Variants in PTPRG observed in about 807,000 individuals in gnomAD.
PTPRG encodes receptor-type tyrosine-protein phosphatase gamma.
Under a neutral mutation model 165.3 loss-of-function variants are expected in PTPRG, and 102 were observed. That is an observed-to-expected ratio of 0.62 (90% CI 0.53 to 0.73). The LOEUF (loss-of-function observed/expected upper bound fraction) is 0.73. Among genes scored for constraint, PTPRG ranks in the 30% least tolerant of loss-of-function variants. The pLI is 0.00. For synonymous variants in PTPRG, 675 were observed against 669.5 expected (o/e 1.01, Z -0.13); for missense variants, 1,866 against 1,861.4 (o/e 1.00, Z -0.05).
At chr3:61,611,404 C>G (rs1466168701) in intron 1 of PTPRG, among the ~76,000 whole-genome samples, 1 of 152,136 alleles carries the variant, frequency 6.6e-6, no homozygotes, top group African/African-American at 2.4e-5. Flanking sequence ...TTTTCCCACT[C>G]AATGTTAACT....
chr3:61,650,970 T>A (rs557534707), intron 1 of PTPRG, among the ~76,000 whole-genome samples: 15 of 152,312 alleles, frequency 9.8e-5, no homozygotes, highest in African/African-American at 3.4e-4. Flanking sequence ...TATTTTTTGC[T>A]GTGGAGTTGT....
chr3:61,768,182 A>G (rs2034094822), intron 2 of PTPRG, among the ~76,000 whole-genome samples: 1 of 152,160 alleles, frequency 6.6e-6, no homozygotes, highest in Non-Finnish European at 1.5e-5. Flanking sequence ...AGAGTTATTC[A>G]TCAAAAAGCC....
chr3:61,593,760 G>A (rs1156561475), intron 1 of PTPRG, among the ~76,000 whole-genome samples: 1 of 151,142 alleles, frequency 6.6e-6, no homozygotes, highest in Non-Finnish European at 1.5e-5. Flanking sequence ...GCTGAGCTCT[G>A]TAGCTGTTCT....
chr3:61,679,839 C>T (rs748133418), intron 1 of PTPRG, among the ~76,000 whole-genome samples: 1 of 152,026 alleles, frequency 6.6e-6, no homozygotes, highest in Non-Finnish European at 1.5e-5. Flanking sequence ...AAGACCTCAG[C>T]CGGCCTGAGG....
intron 5 of PTPRG, among the ~76,000 whole-genome samples, chr3:62,099,609 T>C (rs1384527162): frequency 6.6e-6 from 1 of 152,018 alleles, no homozygotes; most frequent in African/African-American, 2.4e-5. Context: ...ATAGAGACTT[T>C]TAATGACATG....
Position 62,206,176 on chromosome 3 carries a change from G to A in PTPRG, c.2155+2226G>A, listed in dbSNP as rs533615686. 2.6e-5 allele frequency among the ~76,000 whole-genome samples: 4 copies of A among 152,260 alleles called. No homozygotes were observed. In the East Asian group the frequency reaches 5.8e-4, roughly 22 times the overall value. On this transcript the variant is annotated intron_variant, in intron 12 of 29. Coordinates refer to ENST00000474889, the MANE Select transcript of PTPRG (RefSeq NM_002841.4). ...TGGGAGAGAGGCAGGGACTGGGACC[G>A]CCCCAGGTAAGTGGAAATGAGTTCT...
At chr3:61,620,476 T>C (rs1030846652) in intron 1 of PTPRG, among the ~76,000 whole-genome samples, 1 of 152,180 alleles carries the variant, frequency 6.6e-6, no homozygotes, top group African/African-American at 2.4e-5. Flanking sequence ...AACCATTATT[T>C]GCACCTGGAA....
At position 61,695,782 on chromosome 3, in the gene PTPRG, T is replaced by C. The variant is rs143790387; in HGVS notation, c.86-53096T>C. On this transcript the variant is annotated intron_variant, in intron 1 of 29. Transcript: ENST00000474889. The stretch of plus-strand genomic sequence containing the variant: ...TTATGTTTGTTTGGTTTTAATTTTA[T>C]TGTTTTTGCCAAGTGAACAATAGTT... 4.5e-4 allele frequency among the ~76,000 whole-genome samples: 69 copies of C among 152,344 alleles called. No homozygotes were observed. The East Asian group carries it at 8.3e-3, about 18-fold the overall frequency.
At chr3:62,246,340 G>A (rs1334461535) in intron 15 of PTPRG, among the ~76,000 whole-genome samples, 1 of 152,162 alleles carries the variant, frequency 6.6e-6, no homozygotes, top group Non-Finnish European at 1.5e-5. Flanking sequence ...AGCCTTATTA[G>A]GAGTATGCCT....
chr3:62,271,662 C>A lies in PTPRG; in HGVS notation c.3182+107C>A. 9.8e-7 allele frequency: 1 copy of A among 1,021,956 alleles called. No individual in the cohort carries two copies. Among genetic ancestry groups the A allele is most frequent in the Non-Finnish European group, 1.4e-6 (1 of 717,200 alleles). The allele number at this position is 1,021,956 out of a possible 1,614,324, so 63.3% of individuals were successfully genotyped here. A position where few individuals can be genotyped will look rare whatever the true frequency, so the allele number is the denominator to read the frequency against. The stretch of plus-strand genomic sequence containing the variant: ...TGCTTTCACTTAGAAGCTGAATCTT[C>A]CACTGGAAACTGGGATGGATAAGAC... On this transcript the variant is annotated intron_variant, in intron 21 of 29. Transcript: ENST00000474889. This position sits in a 1 kb window ranked among gnomAD's most constrained non-coding sequence, Gnocchi z 4.1.
chr3:61,914,133 C>T (rs929054899), intron 2 of PTPRG, among the ~76,000 whole-genome samples: 4 of 152,130 alleles, frequency 2.6e-5, no homozygotes, highest in African/African-American at 9.7e-5. Flanking sequence ...TTCAGTGGTC[C>T]TAGAACTGAT....
intron 1 of PTPRG, among the ~76,000 whole-genome samples, chr3:61,684,398 A>G (rs1002646359): frequency 3.3e-5 from 5 of 152,068 alleles, no homozygotes; most frequent in African/African-American, 1.2e-4. Flanking sequence ...TTCTTTTGGC[A>G]TCTTTTGGTT....
At chr3:61,617,549 T>G (rs899322988) in intron 1 of PTPRG, among the ~76,000 whole-genome samples, 5 of 152,192 alleles carry the variant, frequency 3.3e-5, no homozygotes, top group Non-Finnish European at 1.5e-5. Flanking sequence ...TCTTCCTGAT[T>G]AGCTATATAA....
chr3:61,903,807 G>A (rs1188420957), intron 2 of PTPRG, among the ~76,000 whole-genome samples: 2 of 152,130 alleles, frequency 1.3e-5, no homozygotes, highest in African/African-American at 4.8e-5. Context: ...AACAAATTAA[G>A]TCATGACCTT....
At chr3:61,692,228 GC>G (rs2030262397) in intron 1 of PTPRG, among the ~76,000 whole-genome samples, 1 of 152,212 alleles carries the variant, frequency 6.6e-6, no homozygotes. Flanking sequence ...TTGTTTGGAT[GC>G]CCAGTAGAAT....
chr3:61,612,325 T>G (rs989986193), intron 1 of PTPRG, among the ~76,000 whole-genome samples: 2 of 152,178 alleles, frequency 1.3e-5, no homozygotes, highest in Non-Finnish European at 2.9e-5. Context: ...CTGGTGAGCT[T>G]CTTGGAATGC....
At chr3:61,843,416 TAAAA>T (rs1046221560) in intron 2 of PTPRG, among the ~76,000 whole-genome samples, 1 of 151,882 alleles carries the variant, frequency 6.6e-6, no homozygotes, top group African/African-American at 2.4e-5. Context: ...CATGTACAAA[TAAAA>T]AATAAGAGAT....
chr3:61,904,176 A>C (rs1575769365), intron 2 of PTPRG, among the ~76,000 whole-genome samples: 1 of 152,118 alleles, frequency 6.6e-6, no homozygotes, highest in Non-Finnish European at 1.5e-5. Flanking sequence ...TTAACACCCA[A>C]GTGCAGCTGC....
At chr3:62,232,780 T>C (rs1319801339) in intron 14 of PTPRG, among the ~76,000 whole-genome samples, 1 of 152,250 alleles carries the variant, frequency 6.6e-6, no homozygotes, top group Non-Finnish European at 1.5e-5. Flanking sequence ...CAGTTTCATC[T>C]AGGTCTAGGA....
Sources: allele counts gnomAD v4.1 joint callset (sites outside exome capture counted in the v4.1 genomes callset), GRCh38; gene constraint gnomAD v4.1.1; non-coding constraint Gnocchi (gnomAD v3.1); transcripts MANE v1.5; gene names NCBI Gene and HGNC (gene_info 2026-07-23, HGNC 2026-07-21).